The following REEP3 variants were observed in gnomAD, a reference collection of about 807,000 sequenced individuals.
The protein encoded by REEP3 is receptor accessory protein 3.
REEP3 carries 20 observed loss-of-function variants against 41.3 expected under a neutral mutation model. The ratio of observed to expected loss-of-function variants is 0.48; its 90% CI spans 0.34 to 0.70. The LOEUF is 0.70. REEP3 is among the 30% of genes least tolerant of loss of function. The probability of loss-of-function intolerance (pLI) is 0.01; values close to 1 mark genes in which losing one functional copy is unlikely to be tolerated. For missense variants in REEP3, 271 were observed against 308.8 expected (o/e 0.88, Z 0.92); for synonymous variants, 104 against 101.8 (o/e 1.02, Z -0.13).
chr10:63,565,452 A>G (rs1421062858), intron 1 of REEP3, among the ~76,000 whole-genome samples: 1 of 152,190 alleles, frequency 6.6e-6, no homozygotes, highest in Admixed American at 6.5e-5. Context: ...TACAAATGGC[A>G]TTAGATTAAG....
intron 1 of REEP3, among the ~76,000 whole-genome samples, chr10:63,538,088 C>G (rs1955492374): frequency 6.6e-6 from 1 of 151,960 alleles, no homozygotes; most frequent in Admixed American, 6.6e-5. Context: ...TGCACTATAG[C>G]TCCTTCCAGT....
In REEP3 at chr10:63,619,751, G is replaced by A. The variant is rs367870212; in HGVS notation, c.662G>A (p.Arg221Gln). 29 of 1,609,710 alleles carry A rather than the reference G, an allele frequency of 1.8e-5. No homozygotes were observed. The highest frequency in any genetic ancestry group is 6.7e-5 in the African/African-American group (5 of 74,874). ...GAGATGTTAACACACAAAGGGCTTC[G>A]AAGATCGCAAAGCATGAAATCTGTG... ...DNEMLTHKGL[R>Q]RSQSMKSVKT... is the part of the protein sequence containing the mutation. The change falls in exon 7 of 8, where the codon CGA (arginine) becomes CAA (glutamine). Residue 221 changes from arginine to glutamine, a missense_variant. Arg to Gln is a conservative substitution (Grantham distance 43, BLOSUM62 1). Coordinates refer to ENST00000373758, the MANE Select transcript of REEP3 (RefSeq NM_001001330.3).
chr10:63,610,320 C>T lies in REEP3; in HGVS notation c.551C>T (p.Pro184Leu), dbSNP rs1589888603. ...PEAKKKSKPA[P>L]SESAGYGIPL... is the part of the protein sequence containing the mutation. ...GCAAAAAAGAAAAGTAAACCAGCCCCCAGTGAATCAGCAGGTGTGCTTGTG... is the reference window on the plus strand; with the variant it reads ...GCAAAAAAGAAAAGTAAACCAGCCCTCAGTGAATCAGCAGGTGTGCTTGTG... Residue 184 changes from proline (P) to leucine (L), a missense_variant, in exon 6 of 8, where the codon CCC (proline) becomes CTC (leucine). Physicochemically the swap from Pro to Leu is moderately conservative, Grantham distance 98. Coordinates refer to ENST00000373758, the MANE Select transcript of REEP3 (RefSeq NM_001001330.3). 6.4e-7 allele frequency: 1 copy of T among 1,555,334 alleles called. No individual in the cohort carries two copies. Among genetic ancestry groups the T allele is most frequent in the African/African-American group, 1.4e-5 (1 of 73,304 alleles).
At chr10:63,552,184 C>T (rs1284494188) in intron 1 of REEP3, among the ~76,000 whole-genome samples, 2 of 151,780 alleles carry the variant, frequency 1.3e-5, no homozygotes, top group Non-Finnish European at 2.9e-5. Context: ...GCAGGTGGAT[C>T]ACGAGGTCAG....
chr10:63,521,706 C>T, intron 1 of REEP3, 129 bp downstream of exon 1: 1 of 560,196 alleles, frequency 1.8e-6, no homozygotes, highest in Non-Finnish European at 2.7e-6. Flanking sequence ...TCGGGCCTGC[C>T]GAGGGTCTGG....
chr10:63,579,118 G>T (rs552596374), intron 2 of REEP3, among the ~76,000 whole-genome samples: 1 of 151,356 alleles, frequency 6.6e-6, no homozygotes, highest in African/African-American at 2.4e-5. Context: ...TGCAACCTCT[G>T]TCTCCCTGGT....
chr10:63,562,262 T>TG (rs1231894919), intron 1 of REEP3, among the ~76,000 whole-genome samples: 1 of 151,784 alleles, frequency 6.6e-6, no homozygotes, highest in East Asian at 1.9e-4. Flanking sequence ...AGAGTTTTTT[T>TG]TTTTTTTTTT....
chr10:63,545,732 C>T (rs1235846478), intron 1 of REEP3, among the ~76,000 whole-genome samples: 3 of 138,190 alleles, frequency 2.2e-5, no homozygotes, highest in African/African-American at 2.7e-5. Flanking sequence ...CTGTTGCCCA[C>T]GCTGGAGTGC....
At chr10:63,538,627 G>A (rs998217119) in intron 1 of REEP3, among the ~76,000 whole-genome samples, 5 of 152,014 alleles carry the variant, frequency 3.3e-5, no homozygotes, top group Non-Finnish European at 7.4e-5. Flanking sequence ...CCAGATACTC[G>A]GGAGGCTGAG....
At chr10:63,589,785 C>CTTTTTTTTTTTTTTTTTTTT (rs59658061) in intron 2 of REEP3, among the ~76,000 whole-genome samples, 2 of 80,820 alleles carry the variant, frequency 2.5e-5, no homozygotes, top group African/African-American at 4.7e-5. Flanking sequence ...AGCAGAACAT[C>CTTTTTTTTTTTTTTTTTTTT]TTTTTTTTTT....
intron 1 of REEP3, among the ~76,000 whole-genome samples, chr10:63,562,014 C>G (rs936897503): frequency 1.3e-5 from 2 of 152,116 alleles, no homozygotes; most frequent in African/African-American, 4.8e-5. Flanking sequence ...TATCTAGTGT[C>G]AGCGGTGTGG....
rs187643937 is a variant in REEP3 at position 63,544,671 on chromosome 10, A to G, written c.33-21667A>G. Among the ~76,000 whole-genome samples the G allele has an allele frequency of 7.2e-5, 11 of 152,282 alleles. No individual in the cohort carries two copies. In the East Asian group the frequency reaches 1.9e-3, roughly 27 times the overall value. On this transcript the variant is annotated intron_variant, in intron 1 of 7. Transcript: ENST00000373758. ...AGGAAGGTACACAGAAGCAGATGGG[A>G]TGTTAGGGCAATGCTTTCATTTTAA...
chr10:63,534,845 C>A (rs1405346909), intron 1 of REEP3, among the ~76,000 whole-genome samples: 1 of 152,182 alleles, frequency 6.6e-6, no homozygotes, highest in Non-Finnish European at 1.5e-5. Context: ...TATAACCCTA[C>A]AAGTGACACT....
At chr10:63,578,102 TG>T in intron 2 of REEP3, among the ~76,000 whole-genome samples, 1 of 152,118 alleles carries the variant, frequency 6.6e-6, no homozygotes, top group Non-Finnish European at 1.5e-5. Flanking sequence ...TATTTATGTA[TG>T]TATTTATTTA....
intron 1 of REEP3, among the ~76,000 whole-genome samples, chr10:63,545,672 C>T (rs1007027294): frequency 6.9e-6 from 1 of 144,390 alleles, no homozygotes; most frequent in Non-Finnish European, 1.5e-5. Context: ...TGCGCCTGGC[C>T]AACTTCTGTT....
At chr10:63,549,394 C>T (rs936528732) in intron 1 of REEP3, among the ~76,000 whole-genome samples, 1 of 152,048 alleles carries the variant, frequency 6.6e-6, no homozygotes, top group African/African-American at 2.4e-5. Context: ...ATAGTGAGAC[C>T]CCATCTTTAC....
rs188632450 is a variant in REEP3 at position 63,600,026 on chromosome 10, A to G, written c.417+743A>G. On this transcript the variant is annotated intron_variant, in intron 5 of 7. Coordinates refer to ENST00000373758, the MANE Select transcript of REEP3 (RefSeq NM_001001330.3). The stretch of plus-strand genomic sequence containing the variant: ...TTAAAAGCACAGTGCTTGCTTGCAT[A>G]TAGTAGGAGCCCAATAAACATAAAT... 4.2e-4 allele frequency among the ~76,000 whole-genome samples: 64 copies of G among 152,316 alleles called. No individual in the cohort carries two copies. In the East Asian group the frequency reaches 0.011, roughly 27 times the overall value.
intron 2 of REEP3, among the ~76,000 whole-genome samples, chr10:63,580,331 C>T: frequency 6.6e-6 from 1 of 152,068 alleles, no homozygotes; most frequent in East Asian, 1.9e-4. Flanking sequence ...AGACGGGGGT[C>T]TCACTATGTT....
chr10:63,609,451 CAAA>C (rs376009971), intron 5 of REEP3, among the ~76,000 whole-genome samples: 3 of 81,202 alleles, frequency 3.7e-5, no homozygotes, highest in Non-Finnish European at 2.6e-5. Context: ...GACTCTGTCT[CAAA>C]AAAAAAAAAA....
Sources: gnomAD v4.1 joint callset for allele counts (sites outside exome capture counted in the v4.1 genomes callset) on GRCh38, gnomAD v4.1.1 for gene constraint, MANE v1.5 for transcripts, NCBI Gene and HGNC (gene_info 2026-07-23, HGNC 2026-07-21) for gene names.